The following GRM5 variants were observed in gnomAD, a reference collection of about 807,000 sequenced individuals.
The protein encoded by GRM5 is metabotropic glutamate receptor 5.
GRM5 carries 19 observed loss-of-function variants against 83.1 expected under a neutral mutation model. That is an observed-to-expected ratio of 0.23 (90% confidence interval 0.16 to 0.34). GRM5 has a LOEUF of 0.34. Ranked by LOEUF, GRM5 falls within the 10% of genes least tolerant of loss-of-function variation. GRM5 has a pLI of 1.00. For synonymous variants in GRM5, 675 were observed against 633.6 expected (o/e 1.07, Z -0.98); for missense variants, 1,160 against 1,588.3 (o/e 0.73, Z 4.58).
At chr11:88,752,567 A>G (rs2135429033) in intron 3 of GRM5, among the ~76,000 whole-genome samples, 1 of 152,334 alleles carries the variant, frequency 6.6e-6, no homozygotes, top group African/African-American at 2.4e-5. Flanking sequence ...TCATTAAACT[A>G]CCTTTGCCAT....
intron 3 of GRM5, among the ~76,000 whole-genome samples, chr11:88,831,974 G>GC (rs1020406773): frequency 4.8e-4 from 73 of 152,266 alleles, no homozygotes; most frequent in African/African-American, 1.7e-3. Context: ...CATTTAGCCT[G>GC]CCATTGCCAC....
intron 4 of GRM5, among the ~76,000 whole-genome samples, chr11:88,651,580 T>C (rs1260458768): frequency 6.6e-6 from 1 of 152,094 alleles, no homozygotes; most frequent in African/African-American, 2.4e-5. Context: ...AAATTTGAAA[T>C]TGTGAGCCAT....
intron 2 of GRM5, among the ~76,000 whole-genome samples, chr11:88,861,507 C>T (rs1382884744): frequency 1.3e-5 from 2 of 152,024 alleles, no homozygotes; most frequent in Non-Finnish European, 2.9e-5. Context: ...CCCCTGTCAC[C>T]AAGGCTGGAG....
At chr11:88,798,846 A>G (rs1006547278) in intron 3 of GRM5, among the ~76,000 whole-genome samples, 1 of 151,268 alleles carries the variant, frequency 6.6e-6, no homozygotes, top group Non-Finnish European at 1.5e-5. Context: ...ACAACAAAAA[A>G]AAACTGCAAC....
chr11:88,586,193 G>A lies in GRM5; in HGVS notation c.1690+4408C>T, dbSNP rs1398749543. 2.6e-5 allele frequency among the ~76,000 whole-genome samples: 4 copies of A among 151,474 alleles called. No homozygotes were observed. The East Asian group carries it at 5.8e-4, about 22-fold the overall frequency. On this transcript the variant is annotated intron_variant, in intron 7 of 9. Coordinates refer to ENST00000305447, the MANE Select transcript of GRM5 (RefSeq NM_001143831.3). ...TCCTACCACCTGTAAACACCTTAAC[G>A]TTAGGTAGCCTTCATTTAGGATATT...
intron 8 of GRM5, among the ~76,000 whole-genome samples, chr11:88,544,375 CCTTGTGTTTG>C (rs1486825847): frequency 1.3e-5 from 2 of 152,180 alleles, no homozygotes; most frequent in Non-Finnish European, 2.9e-5. Context: ...CCTAGCCCAG[CCTTGTGTTTG>C]CTGTCTGGTT....
At position 88,755,216 on chromosome 11, in the gene GRM5, G is replaced by T. The variant is rs573942142; in HGVS notation, c.911+94690C>A. Reference sequence around the variant, plus strand: ...GACAAGAGCTTGGGGATTCTCAAGAGCTCAAATTGTAACTAGCTTCTCCCA... The same window carrying T: ...GACAAGAGCTTGGGGATTCTCAAGATCTCAAATTGTAACTAGCTTCTCCCA... On this transcript the variant is annotated intron_variant, in intron 3 of 9. Coordinates refer to ENST00000305447, the MANE Select transcript of GRM5 (RefSeq NM_001143831.3). Among the ~76,000 whole-genome samples, 4 of 152,260 alleles carry T rather than the reference G, an allele frequency of 2.6e-5. No homozygotes were observed. In the East Asian group the frequency reaches 7.7e-4, roughly 29 times the overall value.
chr11:88,953,340 T>C (rs1279534830), intron 2 of GRM5, among the ~76,000 whole-genome samples: 1 of 152,186 alleles, frequency 6.6e-6, no homozygotes, highest in Non-Finnish European at 1.5e-5. Context: ...TCCCATACCA[T>C]AGAATTGGGC....
intron 3 of GRM5, among the ~76,000 whole-genome samples, chr11:88,735,022 G>A (rs1223010022): frequency 6.6e-6 from 1 of 151,914 alleles, no homozygotes; most frequent in Non-Finnish European, 1.5e-5. Flanking sequence ...TCATCTTATT[G>A]AGATTGCACA....
chr11:88,578,310 T>C (rs117408063), intron 7 of GRM5, among the ~76,000 whole-genome samples: 124 of 152,254 alleles, frequency 8.1e-4, no homozygotes, highest in Middle Eastern at 6.8e-3. Flanking sequence ...TCCAAGTAGG[T>C]TAGATAATGC....
At chr11:88,742,852 A>G (rs1229277407) in intron 3 of GRM5, among the ~76,000 whole-genome samples, 1 of 152,104 alleles carries the variant, frequency 6.6e-6, no homozygotes, top group Non-Finnish European at 1.5e-5. Flanking sequence ...CTGCTTCTAC[A>G]GAGTGTTGGT....
intron 3 of GRM5, among the ~76,000 whole-genome samples, chr11:88,821,949 G>T (rs1943805188): frequency 6.6e-6 from 1 of 152,062 alleles, no homozygotes; most frequent in Non-Finnish European, 1.5e-5. Flanking sequence ...ATTTTATCAT[G>T]AAGCGGCTTA....
chr11:88,643,332 G>A (rs563791345), intron 4 of GRM5, among the ~76,000 whole-genome samples: 28 of 152,190 alleles, frequency 1.8e-4, no homozygotes, highest in African/African-American at 6.7e-4. Flanking sequence ...CAAGGGGATG[G>A]TGCTAAACTG....
chr11:88,727,959 T>A (rs969480727), intron 3 of GRM5, among the ~76,000 whole-genome samples: 1 of 151,664 alleles, frequency 6.6e-6, no homozygotes, highest in African/African-American at 2.4e-5. Flanking sequence ...ACATCACAAT[T>A]AAAAGAACTA....
intron 3 of GRM5, among the ~76,000 whole-genome samples, chr11:88,693,222 G>A (rs1940821970): frequency 6.6e-6 from 1 of 152,162 alleles, no homozygotes; most frequent in African/African-American, 2.4e-5. Flanking sequence ...GGTACTATGG[G>A]AGAAGCACTT....
chr11:89,060,281 T>TACAC (rs1414174704), intron 1 of GRM5, among the ~76,000 whole-genome samples: 1 of 136,928 alleles, frequency 7.3e-6, no homozygotes, highest in Non-Finnish European at 1.7e-5. Flanking sequence ...TATATATATA[T>TACAC]ATATACACAC....
chr11:88,536,403 A>G (rs903204994), intron 8 of GRM5, among the ~76,000 whole-genome samples: 7 of 152,276 alleles, frequency 4.6e-5, no homozygotes, highest in African/African-American at 1.7e-4. Flanking sequence ...TCCAGCCACC[A>G]TCTTCTTTGA....
chr11:89,057,568 G>T (rs1196125223), intron 1 of GRM5, among the ~76,000 whole-genome samples: 1 of 152,106 alleles, frequency 6.6e-6, no homozygotes, highest in Non-Finnish European at 1.5e-5. Flanking sequence ...TTAAACAAGT[G>T]GTTTAGCAGT....
intron 2 of GRM5, among the ~76,000 whole-genome samples, chr11:88,991,580 G>T (rs1052085467): frequency 1.3e-5 from 2 of 149,378 alleles, no homozygotes; most frequent in African/African-American, 4.9e-5. Flanking sequence ...AAAGAACAAA[G>T]CTGGAGGCAT....
Sources: allele counts gnomAD v4.1 joint callset (sites outside exome capture counted in the v4.1 genomes callset), GRCh38; gene constraint gnomAD v4.1.1; transcripts MANE v1.5; gene names NCBI Gene and HGNC (gene_info 2026-07-23, HGNC 2026-07-21).